SLC2A1: variants seen among roughly 807,000 people sequenced by gnomAD.
SLC2A1 encodes the protein solute carrier family 2 member 1, also known as solute carrier family 2, facilitated glucose transporter member 1.
Under a neutral mutation model 46.6 loss-of-function variants are expected in SLC2A1, and 4 were observed. The observed-to-expected ratio is 0.09, with a 90% confidence interval of 0.04 to 0.20. The LOEUF (loss-of-function observed/expected upper bound fraction) is 0.20. Among genes scored for constraint, SLC2A1 ranks in the 10% least tolerant of loss-of-function variants. SLC2A1 has a pLI of 1.00. For synonymous variants in SLC2A1, 253 were observed against 270.0 expected, an observed-to-expected ratio of 0.94 and a Z score of 0.62; for missense variants, 352 against 667.0, an observed-to-expected ratio of 0.53 and a Z score of 5.20.
At chr1:42,937,601 G>C (rs1643554417) in intron 2 of SLC2A1, among the ~76,000 whole-genome samples, 1 of 152,234 alleles carries the variant, frequency 6.6e-6, no homozygotes, top group Non-Finnish European at 1.5e-5. Flanking sequence ...GTGTGTCCTT[G>C]CTTTAATTGC....
intron 1 of SLC2A1, among the ~76,000 whole-genome samples, chr1:42,956,407 C>CAAAAAAAAAAAAAAAAA (rs71577684): frequency 4.5e-5 from 2 of 44,502 alleles, no homozygotes; most frequent in African/African-American, 2.1e-4. Flanking sequence ...ACTAAAACTA[C>CAAAAAAAAAAAAAAAAA]AAAAAAAAAA....
intron 1 of SLC2A1, among the ~76,000 whole-genome samples, chr1:42,946,930 G>A (rs1002956875): frequency 9.9e-5 from 15 of 152,210 alleles, no homozygotes; most frequent in African/African-American, 3.6e-4. Context: ...CCTGCTCTGG[G>A]CCTTGGTTTC....
rs587784395 is a variant in SLC2A1 at position 42,929,714 on chromosome 1, C to T, written c.746G>A (p.Arg249Gln). Reference sequence around the variant, plus strand: ...GACCTTCTTCTCCCGCATCATCTGCCGACTCTCTTCCTTCATCTCCTGCAG... The same window carrying T: ...GACCTTCTTCTCCCGCATCATCTGCTGACTCTCTTCCTTCATCTCCTGCAG... Reference protein sequence around the residue: ...HDLQEMKEESRQMMREKKVTI... With the variant: ...HDLQEMKEESQQMMREKKVTI... Residue 249 changes from arginine (R) to glutamine (Q), a missense_variant, in exon 6 of 10, where the codon CGG becomes CAG. Coordinates refer to ENST00000426263, the MANE Select transcript of SLC2A1 (RefSeq NM_006516.4). This position sits in a 1 kb window ranked among gnomAD's most constrained non-coding sequence, Gnocchi z 6.0. 48 of 1,613,908 alleles carry T rather than the reference C, an allele frequency of 3.0e-5. No homozygotes were observed. Among genetic ancestry groups the T allele is most frequent in the South Asian group, 5.5e-5 (5 of 91,082 alleles).
chr1:42,938,654 A>T (rs1259372324), intron 2 of SLC2A1, among the ~76,000 whole-genome samples: 3 of 152,180 alleles, frequency 2.0e-5, no homozygotes, highest in Non-Finnish European at 2.9e-5. Flanking sequence ...CTAAACAGAC[A>T]AGGGAAGTCA....
rs1643752697 is a variant in SLC2A1, at chr1:42,954,360, A to C, written c.18+4274T>G. 6.6e-6 allele frequency among the ~76,000 whole-genome samples: 1 copy of C among 152,084 alleles called. No homozygotes were observed. The highest frequency in any genetic ancestry group is 2.1e-4 in the South Asian group (1 of 4,822). The stretch of plus-strand genomic sequence containing the variant: ...ATGAAGAAACCCCATCTCTACTAAA[A>C]AAAAATACAAAAAAATTAGCCGGGC... On this transcript the variant is annotated intron_variant, in intron 1 of 9. Transcript: ENST00000426263. The surrounding 1 kb of genome is among the most constrained non-coding windows in gnomAD (Gnocchi z 4.2).
At chr1:42,937,581 C>T (rs1208753955) in intron 2 of SLC2A1, among the ~76,000 whole-genome samples, 2 of 152,258 alleles carry the variant, frequency 1.3e-5, no homozygotes, top group Admixed American at 1.3e-4. Flanking sequence ...AGCCTTGCCA[C>T]TTACTAGCTG....
In SLC2A1 at chr1:42,958,809, C is replaced by T; in HGVS notation, c.-158G>A. ...GTTTGGTCTCCTGCTCCCTGGCGTG[C>T]TCACTCGGGGACCCGCGACTAGCGA... On this transcript the variant is annotated 5_prime_UTR_variant, in exon 1 of 10. Coordinates refer to ENST00000426263, the MANE Select transcript of SLC2A1 (RefSeq NM_006516.4). 3 of 704,228 alleles carry T rather than the reference C, an allele frequency of 4.3e-6. No individual in the cohort carries two copies. The highest frequency in any genetic ancestry group is 7.0e-6 in the Non-Finnish European group (3 of 431,226). 43.6% of individuals were successfully genotyped at this position (704,228 alleles called of 1,614,324 possible). A position where few individuals can be genotyped will look rare whatever the true frequency, so the allele number is the denominator to read the frequency against.
intron 2 of SLC2A1, among the ~76,000 whole-genome samples, chr1:42,936,575 C>G (rs1485955001): frequency 2.0e-5 from 3 of 152,124 alleles, no homozygotes; most frequent in Admixed American, 1.3e-4. Context: ...GGGCCCCAAC[C>G]CCCCTGCAGA....
In SLC2A1 at chr1:42,928,982, C is replaced by A; in HGVS notation, c.1024G>T (p.Ala342Ser). 2 of 1,613,956 alleles carry A rather than the reference C, an allele frequency of 1.2e-6. No individual in the cohort carries two copies. The highest frequency in any genetic ancestry group is 1.7e-6 in the Non-Finnish European group (2 of 1,180,040). The stretch of plus-strand genomic sequence containing the variant: ...AGTATGGCACAACCCGCCATGCCAG[C>A]GAGGCCTATGAGGTGCAGGGTCCGC... ...GRRTLHLIGLAGMAGCAILMT... is the reference protein window; with the variant it reads ...GRRTLHLIGLSGMAGCAILMT... Residue 342 changes from alanine to serine, a missense_variant, in exon 8 of 10, where the codon GCT becomes TCT. By Grantham distance (99) the Ala-to-Ser change is moderately conservative. Coordinates refer to ENST00000426263, the MANE Select transcript of SLC2A1 (RefSeq NM_006516.4).
At chr1:42,934,682 G>A (rs1025264902) in intron 2 of SLC2A1, among the ~76,000 whole-genome samples, 2 of 152,096 alleles carry the variant, frequency 1.3e-5, no homozygotes, top group South Asian at 2.1e-4. Context: ...GCCCAATCCC[G>A]CCGGCTCCCA....
rs1643459044 is a variant in SLC2A1 at position 42,929,150 on chromosome 1, G to A, written c.972+60C>T. 1.3e-6 allele frequency: 2 copies of A among 1,561,482 alleles called. No homozygotes were observed. On this transcript the variant is annotated intron_variant, in intron 7 of 9. Transcript: ENST00000426263. This position sits in a 1 kb window ranked among gnomAD's most constrained non-coding sequence, Gnocchi z 6.0. ...ACAGGGCACTGCAAAGACCAGTGGG[G>A]AAGATGGCACTGCCTCCTCCCTGGG...
At chr1:42,940,462 C>A (rs1643586374) in intron 2 of SLC2A1, among the ~76,000 whole-genome samples, 1 of 152,340 alleles carries the variant, frequency 6.6e-6, no homozygotes, top group East Asian at 1.9e-4. Context: ...CAGACAAATA[C>A]CCTGGCCCTT....
chr1:42,939,793 CA>C (rs1481655913), intron 2 of SLC2A1, among the ~76,000 whole-genome samples: 5 of 151,716 alleles, frequency 3.3e-5, no homozygotes, highest in African/African-American at 1.2e-4. Flanking sequence ...ACTAAAAACA[CA>C]AAAATTAGCT....
chr1:42,949,597 C>T (rs1643699118), intron 1 of SLC2A1, among the ~76,000 whole-genome samples: 1 of 152,222 alleles, frequency 6.6e-6, no homozygotes, highest in Non-Finnish European at 1.5e-5. Flanking sequence ...AACCTCCAGA[C>T]ACCCCTGGTT....
At chr1:42,957,850 C>T (rs925788069) in intron 1 of SLC2A1, among the ~76,000 whole-genome samples, 2 of 152,176 alleles carry the variant, frequency 1.3e-5, no homozygotes, top group African/African-American at 4.8e-5. Flanking sequence ...TCCTGGCCCC[C>T]AGATCCCCCG....
In SLC2A1 at chr1:42,929,465, CT is replaced by C. The variant is rs1643463446; in HGVS notation, c.867+127del. On this transcript the variant is annotated intron_variant, in intron 6 of 9. Transcript: ENST00000426263. The surrounding 1 kb of genome is among the most constrained non-coding windows in gnomAD (Gnocchi z 6.0). ...CACTGCACTGCAGTGACCTTACGGG[CT>C]TGGGGTCTAAAGGGAAACTTCTTCG... 1 of 1,139,688 alleles carries C rather than the reference CT, an allele frequency of 8.8e-7. No individual in the cohort carries two copies. Among genetic ancestry groups the C allele is most frequent in the African/African-American group, 1.5e-5 (1 of 65,598 alleles). The allele number at this position is 1,139,688 out of a possible 1,614,324, so 70.6% of individuals were successfully genotyped here.
At chr1:42,951,755 C>A (rs1218138271) in intron 1 of SLC2A1, 5 of 398,074 alleles carry the variant, frequency 1.3e-5, no homozygotes, top group East Asian at 7.1e-5. Flanking sequence ...AGGCCCCACA[C>A]ACTGCCTGCT....
chr1:42,936,558 T>C (rs757088578), intron 2 of SLC2A1, among the ~76,000 whole-genome samples: 2 of 152,060 alleles, frequency 1.3e-5, no homozygotes, highest in African/African-American at 2.4e-5. Flanking sequence ...AGGTTGGGGC[T>C]AGAGCTGGGC....
At position 42,926,997 on chromosome 1, in the gene SLC2A1, C is replaced by A. The variant is rs765529555; in HGVS notation, c.*44G>T. The stretch of plus-strand genomic sequence containing the variant: ...CAGCTGCCTGTGCTCCTGAGAGATC[C>A]TTAGGGCTGCTGGGAGCAGGCCGGG... On this transcript the variant is annotated 3_prime_UTR_variant, in exon 10 of 10. Transcript: ENST00000426263. 1 of 1,605,858 alleles carries A rather than the reference C, an allele frequency of 6.2e-7. No individual in the cohort carries two copies. The highest frequency in any genetic ancestry group is 8.5e-7 in the Non-Finnish European group (1 of 1,174,404).
Sources: allele counts gnomAD v4.1 joint callset (sites outside exome capture counted in the v4.1 genomes callset), GRCh38; gene constraint gnomAD v4.1.1; non-coding constraint Gnocchi (gnomAD v3.1); transcripts MANE v1.5; gene names NCBI Gene and HGNC (gene_info 2026-07-23, HGNC 2026-07-21).